BICD1: variants seen among roughly 807,000 people sequenced by gnomAD.
The protein encoded by BICD1 is BICD cargo adaptor 1.
A neutral mutation model predicts 92.5 loss-of-function variants in BICD1; 35 were observed. That is an observed-to-expected ratio of 0.38 (90% confidence interval 0.29 to 0.50). The LOEUF (loss-of-function observed/expected upper bound fraction) is 0.50, where lower values mean the gene tolerates loss of function less well. Ranked by LOEUF, BICD1 falls within the 20% of genes least tolerant of loss-of-function variation. The pLI is 0.93. For missense variants in BICD1, 950 were observed against 1,189.8 expected (o/e 0.80, Z 2.97); for synonymous variants, 429 against 465.1 (o/e 0.92, Z 1.00).
intron 1 of BICD1, among the ~76,000 whole-genome samples, chr12:32,184,089 G>T (rs1944357969): frequency 6.6e-6 from 1 of 152,124 alleles, no homozygotes; most frequent in African/African-American, 2.4e-5. Flanking sequence ...GTCCGGCGTG[G>T]CAGTGGTCAG....
rs200357909 is a variant in BICD1, at chr12:32,334,590, G to A, written c.2175G>A (p.Thr725=). 2.5e-6 allele frequency: 4 copies of A among 1,612,650 alleles called. No individual in the cohort carries two copies. The highest frequency in any genetic ancestry group is 2.2e-5 in the South Asian group (2 of 90,854). The change falls in exon 6 of 10, where the codon ACG becomes ACA. Residue 725 remains threonine (T), a synonymous_variant. Coordinates refer to ENST00000652176, the MANE Select transcript of BICD1 (RefSeq NM_001714.4). ...AAGCAATGGTGACTGAAACCATGACGAAGCTTAGAAATGAACTGAAGGCTT... is the reference window on the plus strand; with the variant it reads ...AAGCAATGGTGACTGAAACCATGACAAAGCTTAGAAATGAACTGAAGGCTT... The part of the protein sequence containing the change: ...NEKAMVTETM[T]KLRNELKALK...
intron 8 of BICD1, chr12:32,339,876 C>T (rs1200028184): frequency 2.1e-6 from 2 of 949,296 alleles, no homozygotes; most frequent in African/African-American, 1.8e-5. Flanking sequence ...TTTCTGGCCT[C>T]TTTTGGAAGA....
rs576670730 is a variant in BICD1 at position 32,267,525 on chromosome 12, A to G, written c.427-26469A>G. On this transcript the variant is annotated intron_variant, in intron 2 of 9. Coordinates refer to ENST00000652176, the MANE Select transcript of BICD1 (RefSeq NM_001714.4). ...GTGAGAAATATCTATTCCTAGTTAG[A>G]GGCTGGTCTTTTCATTTACTTTATT... Among the ~76,000 whole-genome samples the G allele has an allele frequency of 2.4e-3, 358 of 152,326 alleles. 2 individuals carry two copies. The highest frequency in any genetic ancestry group is 8.2e-3 in the African/African-American group (342 of 41,574).
At chr12:32,212,956 G>C (rs891787844) in intron 1 of BICD1, among the ~76,000 whole-genome samples, 5 of 152,034 alleles carry the variant, frequency 3.3e-5, no homozygotes, top group African/African-American at 1.2e-4. Flanking sequence ...TTCAGACTTA[G>C]AAAAAAGTTG....
At chr12:32,264,637 G>GCCA (rs1452536557) in intron 2 of BICD1, among the ~76,000 whole-genome samples, 1 of 151,996 alleles carries the variant, frequency 6.6e-6, no homozygotes, top group Non-Finnish European at 1.5e-5. Context: ...ACAGGCACGT[G>GCCA]CCACCACACC....
chr12:32,303,393 T>G (rs10844172), intron 3 of BICD1, among the ~76,000 whole-genome samples: 1 of 152,084 alleles, frequency 6.6e-6, no homozygotes, highest in Non-Finnish European at 1.5e-5. Flanking sequence ...CCACAGTGTT[T>G]CGGTGACCAG....
chr12:32,207,010 A>G lies in BICD1; in HGVS notation c.214-9237A>G, dbSNP rs935099017. Among the ~76,000 whole-genome samples, 12 of 152,218 alleles carry G rather than the reference A, an allele frequency of 7.9e-5. No individual in the cohort carries two copies. In the East Asian group the frequency reaches 1.9e-3, roughly 24 times the overall value. ...ATTTTATTTACAGAAACATACATATATGGTAAACTATAAAGAAAATGGTGA... is the reference window on the plus strand; with the variant it reads ...ATTTTATTTACAGAAACATACATATGTGGTAAACTATAAAGAAAATGGTGA... On this transcript the variant is annotated intron_variant, in intron 1 of 9. Coordinates refer to ENST00000652176, the MANE Select transcript of BICD1 (RefSeq NM_001714.4).
intron 8 of BICD1, among the ~76,000 whole-genome samples, chr12:32,348,726 ATATATATATATATATATATAT>A (rs1938737655): frequency 5.3e-4 from 2 of 3,776 alleles, no homozygotes; most frequent in South Asian, 9.4e-3. Context: ...ACACAAAAAT[ATATATATATATATATATATAT>A]ATATATATAT....
intron 2 of BICD1, among the ~76,000 whole-genome samples, chr12:32,278,328 ATGGTGT>A (rs1947328358): frequency 6.6e-6 from 1 of 152,224 alleles, no homozygotes; most frequent in Non-Finnish European, 1.5e-5. Context: ...ATCATTCATT[ATGGTGT>A]TTTGCATCTT....
intron 3 of BICD1, among the ~76,000 whole-genome samples, chr12:32,300,973 G>A (rs930304822): frequency 7.2e-5 from 11 of 151,976 alleles, no homozygotes; most frequent in Non-Finnish European, 4.4e-5. Flanking sequence ...ATTTAAGCAG[G>A]CCTGAAAGAA....
At chr12:32,377,389 A>C (rs1487318067) in intron 9 of BICD1, 151 bp from the exon 10 acceptor site, 1 of 635,610 alleles carries the variant, frequency 1.6e-6, no homozygotes, top group African/African-American at 1.8e-5. Context: ...AGCTACCATT[A>C]TCTTGGCATG....
chr12:32,142,569 T>G (rs925211308), intron 1 of BICD1, among the ~76,000 whole-genome samples: 24 of 152,052 alleles, frequency 1.6e-4, no homozygotes, highest in Admixed American at 4.6e-4. Context: ...ATAGCATGAT[T>G]GTTTTTCTAT....
intron 1 of BICD1, among the ~76,000 whole-genome samples, chr12:32,193,046 C>T (rs951184609): frequency 1.3e-5 from 2 of 152,182 alleles, no homozygotes; most frequent in Non-Finnish European, 2.9e-5. Flanking sequence ...TAGTTGATAA[C>T]CAGTGGCAGA....
chr12:32,265,736 CAAAA>C (rs1175515672), intron 2 of BICD1, among the ~76,000 whole-genome samples: 1 of 136,174 alleles, frequency 7.3e-6, no homozygotes, highest in Non-Finnish European at 1.6e-5. Flanking sequence ...AAAAAAAAGA[CAAAA>C]AGAAAAGAAA....
chr12:32,161,624 G>A (rs557389814), intron 1 of BICD1, among the ~76,000 whole-genome samples: 4 of 152,186 alleles, frequency 2.6e-5, no homozygotes, highest in Admixed American at 2.0e-4. Flanking sequence ...GGTATCCACT[G>A]CCCAGGGAAT....
rs200091853 is a variant in BICD1 at position 32,169,053 on chromosome 12, C to G, written c.214-47194C>G. The stretch of plus-strand genomic sequence containing the variant: ...TGTGAGGAGATGGGACAGCCTTGCC[C>G]CTGCATGGAATCTGCTCAGGAGCTT... On this transcript the variant is annotated intron_variant, in intron 1 of 9. Coordinates refer to ENST00000652176, the MANE Select transcript of BICD1 (RefSeq NM_001714.4). Among the ~76,000 whole-genome samples the G allele has an allele frequency of 2.4e-4, 37 of 152,222 alleles. No homozygotes were observed. The East Asian group carries it at 6.2e-3, about 25-fold the overall frequency.
chr12:32,112,156 G>A (rs771683521), intron 1 of BICD1, among the ~76,000 whole-genome samples: 19 of 151,842 alleles, frequency 1.3e-4, no homozygotes, highest in African/African-American at 4.1e-4. Flanking sequence ...ACAGGCATGC[G>A]CCACCACACC....
chr12:32,125,570 T>G (rs888482476), intron 1 of BICD1, among the ~76,000 whole-genome samples: 2 of 152,196 alleles, frequency 1.3e-5, no homozygotes, highest in Non-Finnish European at 2.9e-5. Flanking sequence ...ATTTTTGACT[T>G]TAGATTCTGG....
chr12:32,269,146 A>AT (rs202063761), intron 2 of BICD1, among the ~76,000 whole-genome samples: 1,547 of 149,622 alleles, frequency 0.01, 28 homozygotes, highest in African/African-American at 0.035. Flanking sequence ...CAGCTGCATT[A>AT]TTTTTTTTTT....
Sources: allele counts gnomAD v4.1 joint callset (sites outside exome capture counted in the v4.1 genomes callset), GRCh38; gene constraint gnomAD v4.1.1; transcripts MANE v1.5; gene names NCBI Gene and HGNC (gene_info 2026-07-23, HGNC 2026-07-21).